AGAP1: variants seen among roughly 807,000 people sequenced by gnomAD.
AGAP1 encodes ArfGAP with GTPase domain, ankyrin repeat and PH domain 1, also known as arf-GAP with GTPase, ANK repeat and PH domain-containing protein 1.
AGAP1 carries 29 observed loss-of-function variants against 105.3 expected under a neutral mutation model. That is an observed-to-expected ratio of 0.28 (90% CI 0.21 to 0.38). The LOEUF is 0.38. Ranked by LOEUF, AGAP1 falls within the 10% of genes least tolerant of loss-of-function variation. The probability of loss-of-function intolerance (pLI) is 1.00; values close to 1 mark genes in which losing one functional copy is unlikely to be tolerated. For missense variants in AGAP1, 998 were observed against 1,165.1 expected (o/e 0.86, Z 2.09); for synonymous variants, 509 against 485.9 (o/e 1.05, Z -0.63).
chr2:235,945,170 G>T (rs1444853089), intron 12 of AGAP1, among the ~76,000 whole-genome samples: 1 of 152,072 alleles, frequency 6.6e-6, no homozygotes, highest in Non-Finnish European at 1.5e-5. Flanking sequence ...GCGCGATCTC[G>T]GCTCAATGCA....
intron 13 of AGAP1, among the ~76,000 whole-genome samples, chr2:235,996,268 C>G (rs1217741876): frequency 1.3e-5 from 2 of 152,178 alleles, no homozygotes; most frequent in Non-Finnish European, 2.9e-5. Context: ...ACACCTGCAC[C>G]CAGGTGGAAA....
chr2:235,670,473 C>G (rs1256106022), intron 1 of AGAP1: 3 of 521,710 alleles, frequency 5.8e-6, no homozygotes, highest in East Asian at 3.7e-5. Flanking sequence ...GGCAGCGCCC[C>G]GGCCGAGGAG....
intron 2 of AGAP1, among the ~76,000 whole-genome samples, chr2:235,711,417 G>A (rs1043614128): frequency 3.3e-5 from 5 of 152,192 alleles, no homozygotes; most frequent in Non-Finnish European, 4.4e-5. Context: ...GTGCTCTGCC[G>A]GTATTTTGAA....
intron 1 of AGAP1, among the ~76,000 whole-genome samples, chr2:235,595,186 G>T (rs1198152688): frequency 2.0e-5 from 3 of 152,172 alleles, no homozygotes; most frequent in African/African-American, 7.2e-5. Flanking sequence ...CCAGCCTCCA[G>T]GGGAAGGGGA....
rs565096573 is a variant in AGAP1 at position 235,499,300 on chromosome 2, T to C, written c.163+4451T>C. 3.3e-5 allele frequency among the ~76,000 whole-genome samples: 5 copies of C among 152,354 alleles called. No individual in the cohort carries two copies. In the South Asian group the frequency reaches 1.0e-3, roughly 32 times the overall value. ...CCAAAGAACCTAAAGTATTCTGTTC[T>C]CTGTAAAGCAGCTGACTGTGGCAAA... On this transcript the variant is annotated intron_variant, in intron 1 of 17. Transcript: ENST00000304032.
Position 235,967,504 on chromosome 2 carries a change from G to A in AGAP1, c.1484-958G>A, listed in dbSNP as rs768717556. The stretch of plus-strand genomic sequence containing the variant: ...CAGGAATGTTTATCTGTTTCTCCTC[G>A]ATCAATGATGGCTGCCAAGCATCTT... On this transcript the variant is annotated intron_variant, in intron 12 of 17. Transcript: ENST00000304032. This position sits in a 1 kb window ranked among gnomAD's most constrained non-coding sequence, Gnocchi z 4.7. Among the ~76,000 whole-genome samples the A allele has an allele frequency of 5.3e-5, 8 of 152,126 alleles. No individual in the cohort carries two copies. The highest frequency in any genetic ancestry group is 7.3e-5 in the Non-Finnish European group (5 of 68,040).
rs1944817191 is a variant in AGAP1, at chr2:235,578,656, GC to G, written c.163+83808del. 6.6e-6 allele frequency among the ~76,000 whole-genome samples: 1 copy of G among 151,948 alleles called. No individual in the cohort carries two copies. Among genetic ancestry groups the G allele is most frequent in the African/African-American group, 2.4e-5 (1 of 41,346 alleles). ...AAAAATTAGCTGGATGTGGTGGTGTGCACCTGTAATCCCAGCTACTTGGGAG... is the reference window on the plus strand; with the variant it reads ...AAAAATTAGCTGGATGTGGTGGTGTGACCTGTAATCCCAGCTACTTGGGAG... On this transcript the variant is annotated intron_variant, in intron 1 of 17. Transcript: ENST00000304032. The surrounding 1 kb of genome is among the most constrained non-coding windows in gnomAD (Gnocchi z 4.9).
chr2:236,069,287 T>TA (rs2058435514), intron 16 of AGAP1, among the ~76,000 whole-genome samples: 1 of 152,224 alleles, frequency 6.6e-6, no homozygotes, highest in African/African-American at 2.4e-5. Context: ...ATACATACGT[T>TA]ATGATGTATA....
At chr2:236,116,434 C>T (rs1327011821) in intron 16 of AGAP1, among the ~76,000 whole-genome samples, 1 of 149,970 alleles carries the variant, frequency 6.7e-6, no homozygotes, top group Non-Finnish European at 1.5e-5. Flanking sequence ...ACTGCAACCT[C>T]TGCCTCCTGG....
chr2:235,618,649 T>C (rs1435505026), intron 1 of AGAP1, among the ~76,000 whole-genome samples: 1 of 152,212 alleles, frequency 6.6e-6, no homozygotes, highest in African/African-American at 2.4e-5. Flanking sequence ...AAGCTTAAAA[T>C]TACAAGACTT....
intron 11 of AGAP1, among the ~76,000 whole-genome samples, chr2:235,915,794 C>G (rs934619403): frequency 1.3e-5 from 2 of 152,208 alleles, no homozygotes; most frequent in East Asian, 3.9e-4. Context: ...TGTTGGTAGT[C>G]AAAGATGTAA....
At chr2:235,505,020 A>G (rs1941735213) in intron 1 of AGAP1, among the ~76,000 whole-genome samples, 1 of 152,134 alleles carries the variant, frequency 6.6e-6, no homozygotes, top group South Asian at 2.1e-4. Flanking sequence ...TCCTGGCAGA[A>G]GTCAGTTGTC....
Position 235,843,135 on chromosome 2 carries a change from A to G in AGAP1, c.1050+35804A>G, listed in dbSNP as rs557108536. Reference sequence around the variant, plus strand: ...GTTTTTCACCCTGCAGCCCTTTGAGACCAAATCTGCCTGTGAAGTCGCTGT... The same window carrying G: ...GTTTTTCACCCTGCAGCCCTTTGAGGCCAAATCTGCCTGTGAAGTCGCTGT... On this transcript the variant is annotated intron_variant, in intron 9 of 17. Coordinates refer to ENST00000304032, the MANE Select transcript of AGAP1 (RefSeq NM_001037131.3). The surrounding 1 kb of genome is among the most constrained non-coding windows in gnomAD (Gnocchi z 5.9). Among the ~76,000 whole-genome samples, 5 of 152,176 alleles carry G rather than the reference A, an allele frequency of 3.3e-5. No individual in the cohort carries two copies. Among genetic ancestry groups the G allele is most frequent in the African/African-American group, 1.2e-4 (5 of 41,524 alleles).
intron 13 of AGAP1, among the ~76,000 whole-genome samples, chr2:235,987,108 G>GT (rs149871186): frequency 6.8e-6 from 1 of 147,692 alleles, no homozygotes; most frequent in African/African-American, 2.5e-5. Flanking sequence ...GCTTTTTATT[G>GT]TTATTTATTT....
chr2:235,545,430 G>T (rs1349543995), intron 1 of AGAP1, among the ~76,000 whole-genome samples: 1 of 152,172 alleles, frequency 6.6e-6, no homozygotes, highest in Non-Finnish European at 1.5e-5. Flanking sequence ...TTACTTAGAG[G>T]TTTACTTATA....
At position 235,752,483 on chromosome 2, in the gene AGAP1, A is replaced by G. The variant is rs900606917; in HGVS notation, c.673+1995A>G. Among the ~76,000 whole-genome samples the G allele has an allele frequency of 2.6e-5, 4 of 152,068 alleles. No homozygotes were observed. The highest frequency in any genetic ancestry group is 6.6e-5 in the Admixed American group (1 of 15,262). ...CATGAGCCACCGCGCCTGGCTGTAA[A>G]TAGACTTTTCATGACGCAGAGCCAC... On this transcript the variant is annotated intron_variant, in intron 6 of 17. Coordinates refer to ENST00000304032, the MANE Select transcript of AGAP1 (RefSeq NM_001037131.3). This position sits in a 1 kb window ranked among gnomAD's most constrained non-coding sequence, Gnocchi z 4.3.
chr2:236,001,219 A>G lies in AGAP1; in HGVS notation c.1645+32596A>G, dbSNP rs1440624629. On this transcript the variant is annotated intron_variant, in intron 13 of 17. Transcript: ENST00000304032. The surrounding 1 kb of genome is among the most constrained non-coding windows in gnomAD (Gnocchi z 4.7). ...ACGCCACCATCAGAAACCAAGAGAAAGGAAAGGGACAGGTCCTCCGGGGAG... is the reference window on the plus strand; with the variant it reads ...ACGCCACCATCAGAAACCAAGAGAAGGGAAAGGGACAGGTCCTCCGGGGAG... 6.6e-6 allele frequency among the ~76,000 whole-genome samples: 1 copy of G among 152,184 alleles called. No individual in the cohort carries two copies. The highest frequency in any genetic ancestry group is 1.5e-5 in the Non-Finnish European group (1 of 68,024).
At chr2:235,854,660 T>G (rs1445072126) in intron 9 of AGAP1, among the ~76,000 whole-genome samples, 1 of 152,234 alleles carries the variant, frequency 6.6e-6, no homozygotes, top group African/African-American at 2.4e-5. Flanking sequence ...GACTTGGGGA[T>G]GTTTCTTACT....
intron 6 of AGAP1, among the ~76,000 whole-genome samples, chr2:235,794,653 G>A (rs1375439357): frequency 6.6e-6 from 1 of 152,102 alleles, no homozygotes; most frequent in Admixed American, 6.5e-5. Context: ...TGTATTTTTA[G>A]TAGAGACGGG....
Sources: allele counts gnomAD v4.1 joint callset (sites outside exome capture counted in the v4.1 genomes callset), GRCh38; gene constraint gnomAD v4.1.1; non-coding constraint Gnocchi (gnomAD v3.1); transcripts MANE v1.5; gene names NCBI Gene and HGNC (gene_info 2026-07-23, HGNC 2026-07-21).